Variants in UNC13C observed in about 807,000 individuals in gnomAD.
UNC13C encodes the protein protein unc-13 homolog C.
Under a neutral mutation model 245.4 loss-of-function variants are expected in UNC13C, and 174 were observed. The observed-to-expected ratio is 0.71, with a 90% CI of 0.63 to 0.80. The LOEUF (loss-of-function observed/expected upper bound fraction) is 0.80, where lower values mean the gene tolerates loss of function less well. Among genes scored for constraint, UNC13C ranks in the 30% least tolerant of loss-of-function variants. UNC13C has a pLI of 0.00. For synonymous variants in UNC13C, 992 were observed against 895.1 expected (o/e 1.11, Z -1.93); for missense variants, 2,829 against 2,602.9 (o/e 1.09, Z -1.89).
intron 17 of UNC13C, among the ~76,000 whole-genome samples, chr15:54,374,199 A>G (rs955565667): frequency 1.3e-5 from 2 of 152,148 alleles, no homozygotes; most frequent in Non-Finnish European, 1.5e-5. Context: ...GGGCCCAGAA[A>G]AAGCACCATA....
At chr15:54,040,751 A>G (rs1297019705) in intron 2 of UNC13C, among the ~76,000 whole-genome samples, 1 of 152,128 alleles carries the variant, frequency 6.6e-6, no homozygotes, top group Non-Finnish European at 1.5e-5. Flanking sequence ...AGAGGTGAGC[A>G]CCCAGAATAT....
At chr15:53,880,820 G>T in the UNC13C span, among the ~76,000 whole-genome samples, 2 of 150,898 alleles carry the variant, frequency 1.3e-5, no homozygotes, top group East Asian at 3.9e-4. Flanking sequence ...CCCCTCCATT[G>T]CCTCTTACTC....
At chr15:53,900,784 A>C in the UNC13C span, among the ~76,000 whole-genome samples, 1 of 152,188 alleles carries the variant, frequency 6.6e-6, no homozygotes, top group Non-Finnish European at 1.5e-5. Flanking sequence ...CCAAATCTGC[A>C]ATCTTGATTG....
At chr15:54,040,147 A>G (rs1896751775) in intron 2 of UNC13C, among the ~76,000 whole-genome samples, 1 of 152,132 alleles carries the variant, frequency 6.6e-6, no homozygotes, top group African/African-American at 2.4e-5. Flanking sequence ...ATGTTCTTCT[A>G]GTTTACCAGG....
Position 54,455,164 on chromosome 15 carries a change from C to CCTCTCTCTCTCTCTCTCTCTCTAT in UNC13C, c.4934-39422_4934-39421insATCTCTCTCTCTCTCTCTCTCTCT, listed in dbSNP as rs1555467260. On this transcript the variant is annotated intron_variant, in intron 19 of 32. Coordinates refer to ENST00000260323, the MANE Select transcript of UNC13C (RefSeq NM_001080534.3). ...TTCCTTTCTATGGCTGAGTCATATT[C>CCTCTCTCTCTCTCTCTCTCTCTAT]CTCTCTCTCTCTCTCTCTCTCTCTC... is the stretch of plus-strand genomic sequence containing the variant. Among the ~76,000 whole-genome samples the CCTCTCTCTCTCTCTCTCTCTCTAT allele has an allele frequency of 2.3e-3, 41 of 17,514 alleles. 2 individuals carry two copies. The highest frequency in any genetic ancestry group is 3.1e-3 in the Non-Finnish European group (29 of 9,234). The allele number at this position is 17,514 out of a possible 152,430, so 11.5% of individuals were successfully genotyped here.
chr15:54,397,288 T>C (rs1413021668), intron 18 of UNC13C, among the ~76,000 whole-genome samples: 1 of 151,510 alleles, frequency 6.6e-6, no homozygotes, highest in Non-Finnish European at 1.5e-5. Context: ...AATTATTCTT[T>C]CCTCATTGAA....
rs538209992 is a variant in UNC13C, at chr15:54,084,843, A to G, written c.2984-58175A>G. On this transcript the variant is annotated intron_variant, in intron 2 of 32. Transcript: ENST00000260323. ...TCACTCTTTTTTGTCACTATGAATC[A>G]GGGCCCCTCAGCCTCAAGATCACAA... 3.3e-5 allele frequency among the ~76,000 whole-genome samples: 5 copies of G among 152,318 alleles called. No homozygotes were observed. The East Asian group carries it at 9.6e-4, about 29-fold the overall frequency.
the UNC13C span, among the ~76,000 whole-genome samples, chr15:53,946,188 A>G: frequency 1.3e-5 from 2 of 152,098 alleles, no homozygotes; most frequent in Admixed American, 6.5e-5. Context: ...AACACAGATC[A>G]TTTGACTTCC....
chr15:53,943,766 A>G, the UNC13C span, among the ~76,000 whole-genome samples: 2 of 152,136 alleles, frequency 1.3e-5, no homozygotes, highest in South Asian at 2.1e-4. Context: ...CAGTTCTATC[A>G]GTCTCTGACA....
chr15:54,145,578 A>G (rs1326912117), intron 4 of UNC13C, among the ~76,000 whole-genome samples: 2 of 152,214 alleles, frequency 1.3e-5, no homozygotes, highest in African/African-American at 4.8e-5. Context: ...TAGACTCTCT[A>G]CTACAACACC....
the UNC13C span, among the ~76,000 whole-genome samples, chr15:53,903,327 T>A: frequency 3.7e-3 from 571 of 152,332 alleles, 2 homozygotes; most frequent in Non-Finnish European, 6.4e-3. Flanking sequence ...GATTCCTTGA[T>A]GGAGCCTATC....
intron 15 of UNC13C, among the ~76,000 whole-genome samples, chr15:54,332,771 T>C (rs555676638): frequency 6.6e-6 from 1 of 152,212 alleles, no homozygotes; most frequent in East Asian, 1.9e-4. Context: ...AGATGCTCTC[T>C]TGTATCTTAC....
At chr15:54,164,200 G>T (rs2033081696) in intron 4 of UNC13C, among the ~76,000 whole-genome samples, 1 of 152,116 alleles carries the variant, frequency 6.6e-6, no homozygotes, top group African/African-American at 2.4e-5. Context: ...CATGTAAATA[G>T]TTGGAATTTA....
intron 4 of UNC13C, among the ~76,000 whole-genome samples, chr15:54,218,619 G>A (rs962122494): frequency 1.3e-5 from 2 of 151,918 alleles, no homozygotes; most frequent in African/African-American, 2.4e-5. Context: ...TCACTGGGAT[G>A]TAAAGGGGTT....
Position 54,062,315 on chromosome 15 carries a change from C to G in UNC13C, c.2983+46429C>G, listed in dbSNP as rs565024561. Among the ~76,000 whole-genome samples the G allele has an allele frequency of 4.1e-3, 599 of 146,096 alleles. 1 individual carries two copies. Among genetic ancestry groups the G allele is most frequent in the African/African-American group, 0.015 (584 of 39,472 alleles). ...TCCAGCCTGGATAACAAGAGTGAAA[C>G]TCAGTCTCAAAAAAAAAAAAAAAAA... On this transcript the variant is annotated intron_variant, in intron 2 of 32. Coordinates refer to ENST00000260323, the MANE Select transcript of UNC13C (RefSeq NM_001080534.3).
chr15:54,148,701 A>T (rs1486197038), intron 4 of UNC13C, among the ~76,000 whole-genome samples: 1 of 152,126 alleles, frequency 6.6e-6, no homozygotes. Context: ...TATCAAGTCC[A>T]CTAATTTGAT....
chr15:54,157,967 C>G (rs1384602376), intron 4 of UNC13C, among the ~76,000 whole-genome samples: 1 of 152,138 alleles, frequency 6.6e-6, no homozygotes, highest in Non-Finnish European at 1.5e-5. Context: ...TGTACAGATT[C>G]AAGCTTGGAA....
intron 4 of UNC13C, among the ~76,000 whole-genome samples, chr15:54,153,124 C>A (rs1252812613): frequency 2.0e-5 from 3 of 152,088 alleles, no homozygotes; most frequent in African/African-American, 7.2e-5. Context: ...CATATACTTT[C>A]TTAAATATGA....
chr15:54,422,619 C>T (rs941219374), intron 19 of UNC13C, among the ~76,000 whole-genome samples: 9 of 151,858 alleles, frequency 5.9e-5, no homozygotes, highest in Admixed American at 2.6e-4. Context: ...AAATGTCTTC[C>T]CACACCAGGG....
Sources: gnomAD v4.1 joint callset for allele counts (sites outside exome capture counted in the v4.1 genomes callset) on GRCh38, gnomAD v4.1.1 for gene constraint, MANE v1.5 for transcripts, NCBI Gene and HGNC (gene_info 2026-07-23, HGNC 2026-07-21) for gene names.